ZPR1: variants seen among roughly 807,000 people sequenced by gnomAD.
The protein encoded by ZPR1 is zinc finger protein ZPR1.
ZPR1 carries 37 observed loss-of-function variants against 59.6 expected under a neutral mutation model. That is an observed-to-expected ratio of 0.62 (90% CI 0.48 to 0.82). The LOEUF is 0.82. Ranked by LOEUF, ZPR1 falls within the 40% of genes least tolerant of loss-of-function variation. The probability of loss-of-function intolerance (pLI) is 0.00; values close to 1 mark genes in which losing one functional copy is unlikely to be tolerated. For synonymous variants in ZPR1, 191 were observed against 215.2 expected (o/e 0.89, Z 0.99); for missense variants, 527 against 579.9 (o/e 0.91, Z 0.94).
rs143211924 is a variant in ZPR1, at chr11:116,782,946, T to C, written c.1065A>G (p.Glu355=). The C allele has an allele frequency of 1.9e-6, 3 of 1,614,060 alleles. No homozygotes were observed. The highest frequency in any genetic ancestry group is 2.7e-5 in the African/African-American group (2 of 74,934). Residue 355 remains glutamate (E), a synonymous_variant, in exon 11 of 14, where the codon GAA becomes GAG. Transcript: ENST00000227322. ...AVLGGKFTTL[E]GLLKDIRELV... is the part of the protein sequence containing the mutation. The stretch of plus-strand genomic sequence containing the variant: ...GTTCCCGGATGTCTTTCAGCAGCCC[T>C]TCCAGTGTGGTGAACTTGCCCCCGA...
Position 116,784,898 on chromosome 11 carries a change from G to A in ZPR1, c.777C>T (p.Cys259=). The change falls in exon 8 of 14, where the codon TGC becomes TGT. Residue 259 remains cysteine (C), a synonymous_variant. Coordinates refer to ENST00000227322, the MANE Select transcript of ZPR1 (RefSeq NM_003904.5). ...TCTGAGCGGGGGCATTGCATTCTGGGCAGTTTGTGCTGAACTGGAGCACCT... is the reference window on the plus strand; with the variant it reads ...TCTGAGCGGGGGCATTGCATTCTGGACAGTTTGTGCTGAACTGGAGCACCT... ...RNEVLQFSTN[C]PECNAPAQTN... 2 of 1,614,178 alleles carry A rather than the reference G, an allele frequency of 1.2e-6. No individual in the cohort carries two copies. Among genetic ancestry groups the A allele is most frequent in the African/African-American group, 1.3e-5 (1 of 75,038 alleles).
At chr11:116,785,966 G>A (rs1290121182) in intron 4 of ZPR1, 84 bp from the exon 5 acceptor site, 15 of 1,186,290 alleles carry the variant, frequency 1.3e-5, no homozygotes, top group Non-Finnish European at 1.8e-5. Context: ...ACTTCCATTA[G>A]GAAGTCACCA....
chr11:116,779,672 C>G, intron 13 of ZPR1, 100 bp downstream of exon 13: 1 of 869,946 alleles, frequency 1.1e-6, no homozygotes, highest in East Asian at 2.8e-5. Context: ...AAAAAGCAGT[C>G]CATTTAGAAT....
In ZPR1 at chr11:116,778,824, G is replaced by A. The variant is rs1940757231; in HGVS notation, c.*101C>T. ...AGATGTCCTCCCCACCATGGGCAAG[G>A]GCTGGTGGGAAAGACACTCCCAGCC... On this transcript the variant is annotated 3_prime_UTR_variant, in exon 14 of 14. Coordinates refer to ENST00000227322, the MANE Select transcript of ZPR1 (RefSeq NM_003904.5). The A allele has an allele frequency of 1.4e-6, 2 of 1,442,016 alleles. No individual in the cohort carries two copies. The highest frequency in any genetic ancestry group is 1.3e-5 in the South Asian group (1 of 75,136). The allele number at this position is 1,442,016 out of a possible 1,614,324, so 89.3% of individuals were successfully genotyped here.
chr11:116,785,674 A>T, intron 5 of ZPR1, 38 bp from the exon 6 acceptor site: 1 of 1,613,802 alleles, frequency 6.2e-7, no homozygotes, highest in Middle Eastern at 1.6e-4. Context: ...TGCAAAAGAA[A>T]ATCATAAACA....
chr11:116,782,989 T>A lies in ZPR1; in HGVS notation c.1022A>T (p.Glu341Val), dbSNP rs1940831654. 6.2e-7 allele frequency: 1 copy of A among 1,614,036 alleles called. No homozygotes were observed. The highest frequency in any genetic ancestry group is 8.5e-7 in the Non-Finnish European group (1 of 1,180,010). The stretch of plus-strand genomic sequence containing the variant: ...GCCCCCGAGGACTGCCATTCCCAGT[T>A]CAAATTCTAGCTCTGGGATTTCCAC... Reference protein sequence around the residue: ...CSVEIPELEFELGMAVLGGKF... With the variant: ...CSVEIPELEFVLGMAVLGGKF... The change falls in exon 11 of 14, where the codon GAA (glutamate) becomes GTA (valine). Residue 341 changes from glutamate to valine, a missense_variant. Transcript: ENST00000227322.
At position 116,777,290 on chromosome 11, in the gene ZPR1, C is replaced by T. The variant is rs1940735578; in HGVS notation, c.*1635G>A. ...TTCCAAGTGGAAAATCACTTGTGAC[C>T]TTTGAGAGTAGTTTAACAGAGCAAC... On this transcript the variant is annotated 3_prime_UTR_variant, in exon 14 of 14. Transcript: ENST00000227322. 6.6e-6 allele frequency: 1 copy of T among 152,192 alleles called. No individual in the cohort carries two copies. Among genetic ancestry groups the T allele is most frequent in the Non-Finnish European group, 1.5e-5 (1 of 68,044 alleles). The allele number at this position is 152,192 out of a possible 1,614,324, so 9.4% of individuals were successfully genotyped here.
rs779353718 is a variant in ZPR1, at chr11:116,785,590, G to A, written c.629C>T (p.Ala210Val). The change falls in exon 6 of 14, where the codon GCT becomes GTT. Residue 210 changes from alanine to valine, a missense_variant. Transcript: ENST00000227322. Reference sequence around the variant, plus strand: ...CACCAGGGCATCATCTTTCTGAGGAGCATGTGGGTTTTCCACAAAACTGTT... The same window carrying A: ...CACCAGGGCATCATCTTTCTGAGGAACATGTGGGTTTTCCACAAAACTGTT... ...SGNSFVENPH[A>V]PQKDDALVIT... is the part of the protein sequence containing the mutation. 4 of 1,614,172 alleles carry A rather than the reference G, an allele frequency of 2.5e-6. No homozygotes were observed. The highest frequency in any genetic ancestry group is 3.4e-6 in the Non-Finnish European group (4 of 1,180,028).
intron 12 of ZPR1, 36 bp downstream of exon 12, chr11:116,782,122 A>C (rs746295214): frequency 1.2e-5 from 18 of 1,559,406 alleles, no homozygotes; most frequent in Non-Finnish European, 1.6e-5. Context: ...CTGGAGCCCC[A>C]GGATTCTAAG....
At position 116,785,558 on chromosome 11, in the gene ZPR1, G is replaced by A. The variant is rs2134197470; in HGVS notation, c.661C>T (p.His221Tyr). The A allele has an allele frequency of 6.2e-7, 1 of 1,614,174 alleles. No homozygotes were observed. The highest frequency in any genetic ancestry group is 8.5e-7 in the Non-Finnish European group (1 of 1,180,040). ...TCCTGCTGTCGGGTCCGGTTGTAGT[G>A]TGTGATCACCAGGGCATCATCTTTC... ...PQKDDALVIT[H>Y]YNRTRQQEEM... The change falls in exon 6 of 14, where the codon CAC becomes TAC. Residue 221 changes from histidine to tyrosine, a missense_variant. Transcript: ENST00000227322.
At chr11:116,782,494 G>A (rs1940823429) in intron 11 of ZPR1, among the ~76,000 whole-genome samples, 1 of 152,150 alleles carries the variant, frequency 6.6e-6, no homozygotes, top group Non-Finnish European at 1.5e-5. Context: ...TACTAATTTG[G>A]AGAAGAAATG....
At position 116,784,936 on chromosome 11, in the gene ZPR1, G is replaced by A. The variant is rs770225521; in HGVS notation, c.754-15C>T. On this transcript the variant is annotated splice_polypyrimidine_tract_variant and intron_variant, in intron 7 of 13. Coordinates refer to ENST00000227322, the MANE Select transcript of ZPR1 (RefSeq NM_003904.5). ...AACTGGAGCACCTGGAACACAACAT[G>A]AGGACAAAGGGTGAGCCCTCCCAGA... 1 of 1,614,100 alleles carries A rather than the reference G, an allele frequency of 6.2e-7. No homozygotes were observed. Among genetic ancestry groups the A allele is most frequent in the South Asian group, 1.1e-5 (1 of 91,078 alleles).
intron 12 of ZPR1, among the ~76,000 whole-genome samples, chr11:116,780,564 G>A (rs1158560514): frequency 1.3e-5 from 2 of 151,742 alleles, no homozygotes; most frequent in African/African-American, 4.8e-5. Context: ...TCTACTTTCA[G>A]AGCTACCTAA....
rs1019490138 is a variant in ZPR1, at chr11:116,777,628, C to T, written c.*1297G>A. On this transcript the variant is annotated 3_prime_UTR_variant, in exon 14 of 14. Coordinates refer to ENST00000227322, the MANE Select transcript of ZPR1 (RefSeq NM_003904.5). ...TAAGCCAAGATCACACCACTGCACT[C>T]CAGCCTGGGCAACAGCGCGAGACTC... 6.6e-6 allele frequency: 1 copy of T among 150,604 alleles called. No individual in the cohort carries two copies. The highest frequency in any genetic ancestry group is 2.5e-5 in the African/African-American group (1 of 40,808). The allele number at this position is 150,604 out of a possible 1,614,324, so 9.3% of individuals were successfully genotyped here.
intron 2 of ZPR1, 140 bp downstream of exon 2, chr11:116,787,342 C>T: frequency 1.1e-6 from 1 of 872,950 alleles, no homozygotes; most frequent in Non-Finnish European, 1.7e-6. Flanking sequence ...ATGACAACAC[C>T]AGTACCATTT....
At chr11:116,785,476 A>G (rs746395548) in intron 6 of ZPR1, 38 bp downstream of exon 6, 57 of 1,606,784 alleles carry the variant, frequency 3.5e-5, no homozygotes, top group Admixed American at 1.7e-5. Context: ...GTGCGCGATA[A>G]TTCCAGAGCA....
At position 116,783,015 on chromosome 11, in the gene ZPR1, A is replaced by G. The variant is rs1306575175; in HGVS notation, c.996T>C (p.Ser332=). 4.3e-6 allele frequency: 7 copies of G among 1,613,866 alleles called. No homozygotes were observed. The highest frequency in any genetic ancestry group is 1.7e-5 in the Admixed American group (1 of 59,996). The change falls in exon 11 of 14, where the codon AGT becomes AGC. Residue 332 remains serine (S), a synonymous_variant. Transcript: ENST00000227322. Reference sequence around the variant, plus strand: ...CAAATTCTAGCTCTGGGATTTCCACACTGCAAGTCTCAGACTGTGAAATGA... The same window carrying G: ...CAAATTCTAGCTCTGGGATTTCCACGCTGCAAGTCTCAGACTGTGAAATGA... ...TRDLLKSETC[S]VEIPELEFEL... is the part of the protein sequence containing the mutation.
chr11:116,785,246 A>G, intron 6 of ZPR1, 100 bp from the exon 7 acceptor site: 1 of 1,348,510 alleles, frequency 7.4e-7, no homozygotes, highest in Non-Finnish European at 1.0e-6. Flanking sequence ...CCACCTCATC[A>G]GTTATGTCAG....
At position 116,775,323 on chromosome 11, in the gene ZPR1, G is replaced by C. The variant is rs1940706536; in HGVS notation, c.*3602C>G. On this transcript the variant is annotated 3_prime_UTR_variant, in exon 14 of 14. Transcript: ENST00000227322. The stretch of plus-strand genomic sequence containing the variant: ...AAAATACAAAAATTAGCTGGGTGCA[G>C]TGGTGGGCGTCTGTAATCCCAGCTA... 6.6e-6 allele frequency: 1 copy of C among 152,372 alleles called. No individual in the cohort carries two copies. 9.4% of individuals were successfully genotyped at this position (152,372 alleles called of 1,614,324 possible).
Sources: allele counts gnomAD v4.1 joint callset (sites outside exome capture counted in the v4.1 genomes callset), GRCh38; gene constraint gnomAD v4.1.1; transcripts MANE v1.5; gene names NCBI Gene and HGNC (gene_info 2026-07-23, HGNC 2026-07-21).